STAU2: variants seen among roughly 807,000 people sequenced by gnomAD.
The protein encoded by STAU2 is double-stranded RNA-binding protein Staufen homolog 2.
A neutral mutation model predicts 65.9 loss-of-function variants in STAU2; 20 were observed. The observed-to-expected ratio is 0.30, with a 90% CI of 0.21 to 0.44. The LOEUF is 0.44. Ranked by LOEUF, STAU2 falls within the 20% of genes least tolerant of loss-of-function variation. STAU2 has a pLI of 1.00. For missense variants in STAU2, 558 were observed against 683.9 expected (o/e 0.82, Z 2.05); for synonymous variants, 232 against 233.9 (o/e 0.99, Z 0.07).
chr8:73,573,535 G>A (rs62510320), intron 12 of STAU2, among the ~76,000 whole-genome samples: 19,023 of 152,224 alleles, frequency 0.12, 1,452 homozygotes, highest in Non-Finnish European at 0.18. Flanking sequence ...AAACAGCAGC[G>A]TACTGGTACC....
At chr8:73,690,730 C>A (rs1012698178) in intron 4 of STAU2, among the ~76,000 whole-genome samples, 1 of 152,076 alleles carries the variant, frequency 6.6e-6, no homozygotes, top group African/African-American at 2.4e-5. Context: ...TCTATTACAC[C>A]ACTCTTTCCA....
chr8:73,696,890 C>T (rs1320505871), intron 4 of STAU2, among the ~76,000 whole-genome samples: 1 of 152,134 alleles, frequency 6.6e-6, no homozygotes, highest in South Asian at 2.1e-4. Context: ...GGTTATAGAA[C>T]ACCAAGCAGA....
chr8:73,703,662 G>A (rs968005305), intron 4 of STAU2, among the ~76,000 whole-genome samples: 2 of 152,100 alleles, frequency 1.3e-5, no homozygotes, highest in African/African-American at 4.8e-5. Flanking sequence ...CACAAAACAT[G>A]AGCAAACTCA....
intron 13 of STAU2, among the ~76,000 whole-genome samples, chr8:73,444,390 C>G (rs1818354266): frequency 7.7e-6 from 1 of 130,674 alleles, no homozygotes; most frequent in South Asian, 2.5e-4. Context: ...TAAGCAACAA[C>G]AAGAGCAAAA....
At chr8:73,621,559 T>C (rs1375495829) in intron 6 of STAU2, among the ~76,000 whole-genome samples, 1 of 152,236 alleles carries the variant, frequency 6.6e-6, no homozygotes, top group Admixed American at 6.5e-5. Flanking sequence ...AGTAGAATTC[T>C]GTGGTCAATG....
chr8:73,628,549 T>C (rs1172544663), intron 6 of STAU2, among the ~76,000 whole-genome samples: 2 of 152,220 alleles, frequency 1.3e-5, no homozygotes, highest in African/African-American at 2.4e-5. Context: ...TCTCTGAGAA[T>C]GCACTTTGAA....
intron 3 of STAU2, among the ~76,000 whole-genome samples, chr8:73,719,139 C>T (rs1821463843): frequency 6.6e-6 from 1 of 152,162 alleles, no homozygotes; most frequent in Non-Finnish European, 1.5e-5. Context: ...TGTGGTGGCT[C>T]ACGCCTGTAA....
At chr8:73,613,624 C>G (rs73330848) in intron 9 of STAU2, 120 bp downstream of exon 9, 150,379 of 665,812 alleles carry the variant, frequency 0.23, 18,233 homozygotes, top group East Asian at 0.36. Flanking sequence ...GTCCTGCCCT[C>G]ATTTCAGGAC....
At chr8:73,558,553 G>A (rs1312926561) in intron 12 of STAU2, among the ~76,000 whole-genome samples, 5 of 152,152 alleles carry the variant, frequency 3.3e-5, no homozygotes, top group Admixed American at 6.5e-5. Flanking sequence ...TTTTATAAGC[G>A]AACTTAGGAG....
At chr8:73,710,378 T>C (rs1283578263) in intron 3 of STAU2, among the ~76,000 whole-genome samples, 4 of 87,892 alleles carry the variant, frequency 4.6e-5, no homozygotes, top group African/African-American at 2.5e-4. Flanking sequence ...CTTCTATCCT[T>C]TTTTTTTTTT....
intron 13 of STAU2, among the ~76,000 whole-genome samples, chr8:73,474,575 C>G (rs1820215341): frequency 1.3e-5 from 2 of 152,018 alleles, no homozygotes; most frequent in African/African-American, 2.4e-5. Flanking sequence ...TTGGGTGTCT[C>G]ATGGCTTTGT....
chr8:73,498,120 T>C (rs533233591), intron 13 of STAU2, among the ~76,000 whole-genome samples: 80 of 151,982 alleles, frequency 5.3e-4, no homozygotes, highest in Non-Finnish European at 1.0e-3. Flanking sequence ...TTAATGAACA[T>C]TTAGCAGAGC....
chr8:73,522,479 AAAAT>A (rs899664670), intron 13 of STAU2, among the ~76,000 whole-genome samples: 7 of 152,306 alleles, frequency 4.6e-5, no homozygotes, highest in Middle Eastern at 3.4e-3. Flanking sequence ...TCAATCTTAA[AAAAT>A]AAATGACTGA....
chr8:73,422,623 G>C lies in STAU2; in HGVS notation c.1610C>G (p.Ser537Cys), dbSNP rs1816467168. 6.6e-7 allele frequency: 1 copy of C among 1,513,312 alleles called. No individual in the cohort carries two copies. Among genetic ancestry groups the C allele is most frequent in the Non-Finnish European group, 8.8e-7 (1 of 1,139,246 alleles). The allele number at this position is 1,513,312 out of a possible 1,614,324, so 93.7% of individuals were successfully genotyped here. A position where few individuals can be genotyped will look rare whatever the true frequency, so the allele number is the denominator to read the frequency against. Residue 537 changes from serine (S) to cysteine (C), a missense_variant, in exon 14 of 15, where the codon TCT becomes TGT. Transcript: ENST00000524300. ...IDGAMNIEKGSLEKQAKHLRE... is the reference protein window; with the variant it reads ...IDGAMNIEKGCLEKQAKHLRE... The stretch of plus-strand genomic sequence containing the variant: ...CAGGGGATTTACTCACTTTTCAAGA[G>C]AACCTTTTTCGATATTCATTGCTCC...
chr8:73,718,086 C>T (rs186582580), intron 3 of STAU2, among the ~76,000 whole-genome samples: 1 of 152,272 alleles, frequency 6.6e-6, no homozygotes, highest in Non-Finnish European at 1.5e-5. Flanking sequence ...AGCCATTGCT[C>T]CCAGGGGAAC....
chr8:73,639,158 C>G, intron 6 of STAU2, among the ~76,000 whole-genome samples: 1 of 152,036 alleles, frequency 6.6e-6, no homozygotes. Flanking sequence ...AACAATTTAA[C>G]AGTTTAATAG....
chr8:73,559,184 T>C (rs1219967852), intron 12 of STAU2, among the ~76,000 whole-genome samples: 3 of 152,230 alleles, frequency 2.0e-5, no homozygotes, highest in Non-Finnish European at 4.4e-5. Context: ...TGGAAGAAGC[T>C]GAGTGACGGG....
chr8:73,631,038 C>T (rs557773570), intron 6 of STAU2, among the ~76,000 whole-genome samples: 86 of 152,202 alleles, frequency 5.7e-4, no homozygotes, highest in African/African-American at 1.8e-3. Context: ...GGAGATCTGA[C>T]ATTTGGTTCA....
intron 1 of STAU2, among the ~76,000 whole-genome samples, chr8:73,743,630 C>T (rs187659370): frequency 2.1e-3 from 323 of 151,866 alleles, no homozygotes; most frequent in African/African-American, 7.2e-3. Context: ...TGCGCCACCA[C>T]GGCCGGCTAA....
Sources: gnomAD v4.1 joint callset for allele counts (sites outside exome capture counted in the v4.1 genomes callset) on GRCh38, gnomAD v4.1.1 for gene constraint, MANE v1.5 for transcripts, NCBI Gene and HGNC (gene_info 2026-07-23, HGNC 2026-07-21) for gene names.